Variants in GRM8 observed in about 807,000 individuals in gnomAD.
GRM8 encodes the protein glutamate metabotropic receptor 8.
A neutral mutation model predicts 87.2 loss-of-function variants in GRM8; 47 were observed. That is an observed-to-expected ratio of 0.54 (90% CI 0.43 to 0.69). The LOEUF (loss-of-function observed/expected upper bound fraction) is 0.69. Among genes scored for constraint, GRM8 ranks in the 30% least tolerant of loss-of-function variants. The pLI is 0.00. For synonymous variants in GRM8, 396 were observed against 404.5 expected (o/e 0.98, Z 0.25); for missense variants, 1,019 against 1,139.2 (o/e 0.89, Z 1.52).
Position 126,438,851 on chromosome 7 carries a change from T to G in GRM8, c.*268A>C, listed in dbSNP as rs1801131007. The G allele has an allele frequency of 5.8e-6, 2 of 345,880 alleles. No homozygotes were observed. The highest frequency in any genetic ancestry group is 4.5e-5 in the Admixed American group (1 of 22,140). The allele number at this position is 345,880 out of a possible 1,614,324, so 21.4% of individuals were successfully genotyped here. ...AGCATTTTTTTTCACGAGCTAACAT[T>G]AGTTTTCCTTTTGTGATTTGTTTTA... On this transcript the variant is annotated 3_prime_UTR_variant, in exon 11 of 11. Transcript: ENST00000339582.
chr7:126,924,542 C>G (rs1473309653), intron 3 of GRM8, among the ~76,000 whole-genome samples: 1 of 152,188 alleles, frequency 6.6e-6, no homozygotes, highest in Non-Finnish European at 1.5e-5. Context: ...TATCCACAAT[C>G]CTCACATGGG....
intron 9 of GRM8, among the ~76,000 whole-genome samples, chr7:126,485,284 A>G (rs548149465): frequency 8.5e-5 from 2 of 23,630 alleles, no homozygotes; most frequent in Admixed American, 6.7e-4. Context: ...GAGTTCAGCT[A>G]ACAGTTTCCC....
chr7:126,769,467 C>A (rs1237741584), intron 7 of GRM8, among the ~76,000 whole-genome samples: 1 of 152,050 alleles, frequency 6.6e-6, no homozygotes. Context: ...TTCTTCAAGT[C>A]AACCTACTGT....
At chr7:126,641,208 C>T (rs926595520) in intron 7 of GRM8, among the ~76,000 whole-genome samples, 6 of 152,148 alleles carry the variant, frequency 3.9e-5, no homozygotes, top group Non-Finnish European at 2.9e-5. Context: ...TATGTGCTCT[C>T]TTTGTCCCCA....
chr7:126,936,207 A>G (rs1422407141), intron 3 of GRM8, among the ~76,000 whole-genome samples: 1 of 152,172 alleles, frequency 6.6e-6, no homozygotes, highest in East Asian at 1.9e-4. Context: ...TGAACTTAAA[A>G]CGTTTGATCA....
chr7:126,949,404 C>T (rs1807894464), intron 3 of GRM8, among the ~76,000 whole-genome samples: 1 of 151,534 alleles, frequency 6.6e-6, no homozygotes, highest in Non-Finnish European at 1.5e-5. Context: ...TCAGATCTAC[C>T]CTTGGAGTAG....
intron 2 of GRM8, among the ~76,000 whole-genome samples, chr7:127,241,678 G>A (rs1338496740): frequency 3.9e-5 from 6 of 151,932 alleles, no homozygotes; most frequent in East Asian, 3.9e-4. Context: ...CTCATGATCC[G>A]CCCGCCTTGG....
chr7:126,686,977 G>A (rs1808257863), intron 7 of GRM8, among the ~76,000 whole-genome samples: 1 of 152,230 alleles, frequency 6.6e-6, no homozygotes, highest in African/African-American at 2.4e-5. Flanking sequence ...CCAGTAGCTT[G>A]CGTCTACCAG....
At chr7:126,509,994 A>G (rs572660519) in intron 9 of GRM8, among the ~76,000 whole-genome samples, 2 of 152,172 alleles carry the variant, frequency 1.3e-5, no homozygotes, top group African/African-American at 4.8e-5. Context: ...ACACACATGC[A>G]CACATGATGT....
chr7:127,110,376 C>A (rs2133115783), intron 2 of GRM8, among the ~76,000 whole-genome samples: 1 of 152,298 alleles, frequency 6.6e-6, no homozygotes, highest in East Asian at 1.9e-4. Context: ...CCCTTCCAGC[C>A]TTCTCTACCA....
intron 2 of GRM8, among the ~76,000 whole-genome samples, chr7:127,211,855 C>T (rs1796229641): frequency 6.6e-6 from 1 of 152,212 alleles, no homozygotes; most frequent in African/African-American, 2.4e-5. Flanking sequence ...TTACAAATTA[C>T]TCGGTCTAAG....
chr7:126,505,424 T>C (rs1810304880), intron 9 of GRM8, among the ~76,000 whole-genome samples: 1 of 152,044 alleles, frequency 6.6e-6, no homozygotes, highest in Admixed American at 6.6e-5. Flanking sequence ...AAAATGGTCC[T>C]TACTCAATGA....
At chr7:127,239,886 T>A (rs1208993663) in intron 2 of GRM8, among the ~76,000 whole-genome samples, 1 of 152,230 alleles carries the variant, frequency 6.6e-6, no homozygotes, top group Non-Finnish European at 1.5e-5. Flanking sequence ...ACTTTTGAAT[T>A]ACAGACGATT....
chr7:126,941,594 T>C (rs1314019585), intron 3 of GRM8, among the ~76,000 whole-genome samples: 7 of 149,450 alleles, frequency 4.7e-5, no homozygotes, highest in African/African-American at 1.5e-4. Flanking sequence ...CACTCCAGCC[T>C]GGGCAACAGA....
intron 8 of GRM8, among the ~76,000 whole-genome samples, chr7:126,587,498 T>TA (rs1796258844): frequency 1.3e-5 from 2 of 152,044 alleles, no homozygotes; most frequent in South Asian, 4.1e-4. Context: ...TATGCAGCCA[T>TA]AAAAAAGGAT....
At chr7:126,835,372 G>C (rs1795752027) in intron 6 of GRM8, among the ~76,000 whole-genome samples, 1 of 152,146 alleles carries the variant, frequency 6.6e-6, no homozygotes, top group Non-Finnish European at 1.5e-5. Flanking sequence ...TTAAAGATGA[G>C]GACCTTCTTG....
rs546193200 is a variant in GRM8, at chr7:126,974,354, C to CA, written c.728-69672dup. ...AGATTTAGTTGCCTGCTTTTGTCAT[C>CA]AAAAAAGTAACTCCATGAGATGATA... On this transcript the variant is annotated intron_variant, in intron 3 of 10. Coordinates refer to ENST00000339582, the MANE Select transcript of GRM8 (RefSeq NM_000845.3). 5.3e-5 allele frequency among the ~76,000 whole-genome samples: 8 copies of CA among 152,178 alleles called. No homozygotes were observed. In the South Asian group the frequency reaches 1.7e-3, roughly 32 times the overall value.
intron 6 of GRM8, among the ~76,000 whole-genome samples, chr7:126,875,859 T>C: frequency 6.6e-6 from 1 of 152,094 alleles, no homozygotes. Flanking sequence ...ACTAGGCACT[T>C]ATTTTTGTGC....
At chr7:127,110,567 A>G (rs1826251228) in intron 2 of GRM8, among the ~76,000 whole-genome samples, 1 of 152,204 alleles carries the variant, frequency 6.6e-6, no homozygotes. Flanking sequence ...AATGAAGCGT[A>G]TTTGAGTCAA....
Sources: gnomAD v4.1 joint callset for allele counts (sites outside exome capture counted in the v4.1 genomes callset) on GRCh38, gnomAD v4.1.1 for gene constraint, MANE v1.5 for transcripts, NCBI Gene and HGNC (gene_info 2026-07-23, HGNC 2026-07-21) for gene names.